The following USP34 variants were observed in gnomAD, a reference collection of about 807,000 sequenced individuals.
USP34 encodes the protein ubiquitin specific peptidase 34, also known as ubiquitin carboxyl-terminal hydrolase 34.
USP34 carries 70 observed loss-of-function variants against 460.3 expected under a neutral mutation model. The observed-to-expected ratio is 0.15, with a 90% CI of 0.13 to 0.19. The LOEUF (loss-of-function observed/expected upper bound fraction) is 0.19, where lower values mean the gene tolerates loss of function less well. USP34 is among the 10% of genes least tolerant of loss of function. The pLI, the probability that USP34 is intolerant of heterozygous loss-of-function variation, is 1.00. For missense variants in USP34, 3,985 were observed against 4,236.2 expected, an observed-to-expected ratio of 0.94 and a Z score of 1.65; for synonymous variants, 1,647 against 1,405.3, an observed-to-expected ratio of 1.17 and a Z score of -3.85.
chr2:61,413,139 T>TA (rs1694092281), intron 2 of USP34, among the ~76,000 whole-genome samples: 1 of 152,126 alleles, frequency 6.6e-6, no homozygotes, highest in African/African-American at 2.4e-5. Flanking sequence ...CTCATGCCTG[T>TA]AATCCCAGCA....
chr2:61,226,472 C>A (rs1178857910), intron 62 of USP34, among the ~76,000 whole-genome samples: 3 of 152,158 alleles, frequency 2.0e-5, no homozygotes, highest in Admixed American at 1.3e-4. Flanking sequence ...CACTCTCTCT[C>A]TCTGTCATCA....
At position 61,470,754 on chromosome 2, in the gene USP34, G is replaced by A. The variant is rs1447465089; in HGVS notation, c.-62C>T. ...TCACACTGACTGATCCCGACCGGCG[G>A]GGGGGAGGGGAGAGAGGCGGAGGAG... On this transcript the variant is annotated 5_prime_UTR_variant, in exon 1 of 80. Transcript: ENST00000398571. 1.1e-4 allele frequency: 158 copies of A among 1,466,078 alleles called. No homozygotes were observed. Among genetic ancestry groups the A allele is most frequent in the Non-Finnish European group, 1.4e-4 (150 of 1,070,472 alleles). The allele number at this position is 1,466,078 out of a possible 1,614,324, so 90.8% of individuals were successfully genotyped here.
chr2:61,391,950 G>A (rs907590932), intron 5 of USP34, among the ~76,000 whole-genome samples: 4 of 151,956 alleles, frequency 2.6e-5, no homozygotes, highest in Admixed American at 2.0e-4. Flanking sequence ...ATAGTATTAC[G>A]GTGTTCAAAA....
chr2:61,463,329 A>C (rs897939088), intron 1 of USP34, among the ~76,000 whole-genome samples: 1 of 152,144 alleles, frequency 6.6e-6, no homozygotes, highest in African/African-American at 2.4e-5. Flanking sequence ...CTTAAAAAAT[A>C]ATCAAAAATC....
At position 61,296,897 on chromosome 2, in the gene USP34, T is replaced by G; in HGVS notation, c.4157A>C (p.His1386Pro). Residue 1386 changes from histidine (H) to proline (P), a missense_variant, in exon 30 of 80, where the codon CAT becomes CCT. Coordinates refer to ENST00000398571, the MANE Select transcript of USP34 (RefSeq NM_014709.4). ...ESLRCEELHL[H>P]AENLSRRVWE... ...GACCCGCCTAGACAGATTTTCTGCA[T>G]GAAGATGAAGTTCTTCACATCGTAA... 1 of 1,613,876 alleles carries G rather than the reference T, an allele frequency of 6.2e-7. No homozygotes were observed. Among genetic ancestry groups the G allele is most frequent in the Non-Finnish European group, 8.5e-7 (1 of 1,179,868 alleles).
chr2:61,277,982 G>C (rs989202913), intron 41 of USP34, 183 bp downstream of exon 41: 1 of 740,474 alleles, frequency 1.4e-6, no homozygotes, highest in Non-Finnish European at 2.0e-6. Flanking sequence ...CTTGCCTTCC[G>C]GCACGATTGT....
Position 61,228,885 on chromosome 2 carries a change from T to A in USP34, c.7310A>T (p.Lys2437Ile). ...IMEHGVKPHSKHLTEYFAFLY... is the reference protein window; with the variant it reads ...IMEHGVKPHSIHLTEYFAFLY... The stretch of plus-strand genomic sequence containing the variant: ...GAAGGCAAAATACTCTGTAAGATGT[T>A]TACTGTGAGGTTTTACACCATGTTC... Residue 2437 changes from lysine to isoleucine, a missense_variant, in exon 60 of 80, where the codon AAA (lysine) becomes ATA (isoleucine). By Grantham distance (102) the Lys-to-Ile change is moderately radical (BLOSUM62 -3). Transcript: ENST00000398571. 6.2e-7 allele frequency: 1 copy of A among 1,609,000 alleles called. No homozygotes were observed. Among genetic ancestry groups the A allele is most frequent in the Admixed American group, 1.7e-5 (1 of 58,936 alleles).
intron 44 of USP34, 81 bp from the exon 45 acceptor site, chr2:61,257,431 A>C: frequency 8.6e-7 from 1 of 1,157,444 alleles, no homozygotes; most frequent in Non-Finnish European, 1.2e-6. Flanking sequence ...TATAACAAAA[A>C]CAAAAGAACA....
At chr2:61,234,879 G>A (rs962463359) in intron 57 of USP34, among the ~76,000 whole-genome samples, 14 of 152,070 alleles carry the variant, frequency 9.2e-5, no homozygotes, top group Non-Finnish European at 1.9e-4. Flanking sequence ...CAAGTGATCC[G>A]CCCGCCTCAG....
chr2:61,407,907 G>A (rs1030804627), intron 2 of USP34, among the ~76,000 whole-genome samples: 4 of 152,240 alleles, frequency 2.6e-5, no homozygotes, highest in Admixed American at 2.6e-4. Context: ...CTGAATTCAG[G>A]ATTTCGAGAT....
At chr2:61,285,093 A>G (rs2103964894) in intron 34 of USP34, 136 bp from the exon 35 acceptor site, 1 of 613,004 alleles carries the variant, frequency 1.6e-6, no homozygotes, top group Non-Finnish European at 2.9e-6. Flanking sequence ...TTTGATATTT[A>G]TCTATAACAC....
intron 51 of USP34, 107 bp downstream of exon 51, chr2:61,245,103 A>C (rs558840148): frequency 1.4e-6 from 1 of 708,928 alleles, no homozygotes; most frequent in African/African-American, 1.8e-5. Context: ...TTTTTGATTT[A>C]ATCATAGCAA....
chr2:61,379,589 C>A (rs905453255), intron 7 of USP34, among the ~76,000 whole-genome samples: 1 of 152,116 alleles, frequency 6.6e-6, no homozygotes, highest in East Asian at 1.9e-4. Flanking sequence ...CTGCAACAAA[C>A]CGGAGAAAGC....
chr2:61,284,092 A>T (rs1256320053), intron 35 of USP34, among the ~76,000 whole-genome samples: 1 of 152,202 alleles, frequency 6.6e-6, no homozygotes, highest in Non-Finnish European at 1.5e-5. Context: ...TCACTGGTAA[A>T]ATCTTATTAC....
intron 5 of USP34, among the ~76,000 whole-genome samples, chr2:61,389,507 T>C (rs1447145320): frequency 6.6e-6 from 1 of 152,138 alleles, no homozygotes; most frequent in Non-Finnish European, 1.5e-5. Flanking sequence ...AAAATTTTAA[T>C]ACAAGGAAGA....
At chr2:61,407,632 C>G (rs1256394536) in intron 2 of USP34, among the ~76,000 whole-genome samples, 1 of 152,162 alleles carries the variant, frequency 6.6e-6, no homozygotes, top group East Asian at 1.9e-4. Context: ...ACGGAACTCA[C>G]TTCTAGTGAA....
chr2:61,213,751 T>A (rs1284339830), intron 68 of USP34, among the ~76,000 whole-genome samples: 2 of 152,210 alleles, frequency 1.3e-5, no homozygotes, highest in Non-Finnish European at 2.9e-5. Flanking sequence ...CTTAAAACTG[T>A]ACCATGAAGC....
chr2:61,299,354 T>C (rs1690147992), intron 29 of USP34, among the ~76,000 whole-genome samples: 1 of 152,186 alleles, frequency 6.6e-6, no homozygotes, highest in South Asian at 2.1e-4. Context: ...GCTACATGAA[T>C]ACATGAAAAG....
chr2:61,280,349 C>A lies in USP34; in HGVS notation c.5152-1G>T. ...TTGGTTCTTCCTCATAATCATCTAT[C>A]TATTAAAAAAATTTTATACTTTGTG... On this transcript the variant is annotated splice_acceptor_variant, in intron 38 of 79. Coordinates refer to ENST00000398571, the MANE Select transcript of USP34 (RefSeq NM_014709.4). LOFTEE classifies it high-confidence loss of function. The A allele has an allele frequency of 6.9e-7, 1 of 1,441,736 alleles. No homozygotes were observed. Among genetic ancestry groups the A allele is most frequent in the Non-Finnish European group, 9.2e-7 (1 of 1,082,000 alleles). 89.3% of individuals were successfully genotyped at this position (1,441,736 alleles called of 1,614,324 possible).
Sources: gnomAD v4.1 joint callset for allele counts (sites outside exome capture counted in the v4.1 genomes callset) on GRCh38, gnomAD v4.1.1 for gene constraint, MANE v1.5 for transcripts, NCBI Gene and HGNC (gene_info 2026-07-23, HGNC 2026-07-21) for gene names.